NCMAP: variants seen among roughly 807,000 people sequenced by gnomAD.
NCMAP encodes noncompact myelin-associated protein.
NCMAP carries 8 observed loss-of-function variants against 7.8 expected under a neutral mutation model. The observed-to-expected ratio is 1.02, with a 90% confidence interval of 0.60 to 1.84. NCMAP has a LOEUF of 1.84. Among genes scored for constraint, NCMAP ranks in the 40% most tolerant of loss-of-function variants. The pLI is 0.00. For synonymous variants in NCMAP, 41 were observed against 52.9 expected, an observed-to-expected ratio of 0.78 and a Z score of 0.98; for missense variants, 112 against 131.4, an observed-to-expected ratio of 0.85 and a Z score of 0.72.
At chr1:24,580,531 A>G (rs571948358) in intron 1 of NCMAP, among the ~76,000 whole-genome samples, 291 of 152,086 alleles carry the variant, frequency 1.9e-3, no homozygotes, top group African/African-American at 6.6e-3. Flanking sequence ...GCTCACTGCA[A>G]CCTCCGCCTC....
intron 1 of NCMAP, among the ~76,000 whole-genome samples, chr1:24,564,631 T>C (rs1651165509): frequency 1.4e-5 from 2 of 147,010 alleles, no homozygotes; most frequent in Admixed American, 1.4e-4. Context: ...GACGAAATAA[T>C]GGAGATTTAA....
chr1:24,597,617 G>GAGAA (rs71032831), intron 2 of NCMAP, among the ~76,000 whole-genome samples: 16,427 of 87,178 alleles, frequency 0.19, 1,981 homozygotes, highest in Non-Finnish European at 0.22. Context: ...AAGAAAGAAA[G>GAGAA]AGAAAGAAAG....
At chr1:24,564,988 T>G (rs1557592587) in intron 1 of NCMAP, among the ~76,000 whole-genome samples, 1 of 152,036 alleles carries the variant, frequency 6.6e-6, no homozygotes, top group Non-Finnish European at 1.5e-5. Context: ...CCTCAGAAGG[T>G]GGAATACACA....
chr1:24,559,324 A>G (rs1364997075), intron 1 of NCMAP, among the ~76,000 whole-genome samples: 2 of 152,244 alleles, frequency 1.3e-5, no homozygotes, highest in Non-Finnish European at 2.9e-5. Context: ...GGGACCTAGC[A>G]GGATGGATTT....
chr1:24,587,765 G>A (rs539066543), intron 1 of NCMAP, among the ~76,000 whole-genome samples: 6 of 150,770 alleles, frequency 4.0e-5, no homozygotes, highest in Admixed American at 2.6e-4. Context: ...CACCCACCTC[G>A]GCCTCCCAAA....
At chr1:24,599,001 C>T (rs950574796) in intron 2 of NCMAP, among the ~76,000 whole-genome samples, 1 of 150,360 alleles carries the variant, frequency 6.7e-6, no homozygotes, top group South Asian at 2.2e-4. Flanking sequence ...AATTGGAGGC[C>T]GGGTGTGGTG....
chr1:24,567,003 A>G (rs1424577024), intron 1 of NCMAP, among the ~76,000 whole-genome samples: 2 of 152,138 alleles, frequency 1.3e-5, no homozygotes, highest in Non-Finnish European at 2.9e-5. Context: ...AGTACAAAGG[A>G]GGCTGTGACT....
At chr1:24,557,946 G>A (rs1650953230) in intron 1 of NCMAP, among the ~76,000 whole-genome samples, 1 of 152,196 alleles carries the variant, frequency 6.6e-6, no homozygotes, top group South Asian at 2.1e-4. Flanking sequence ...CCAGTTCCTG[G>A]GCTCCGTAGC....
rs752833385 is a variant in NCMAP at position 24,572,204 on chromosome 1, AG to A, written c.-8+16039del. On this transcript the variant is annotated intron_variant, in intron 1 of 3. Transcript: ENST00000374392. ...GTGGCTGTACAGTTGATGGATTTTA[AG>A]GGGAGAGGGCTTTTCTATCCTCTCC... Among the ~76,000 whole-genome samples the A allele has an allele frequency of 1.2e-4, 18 of 150,676 alleles. 1 individual carries two copies. The highest frequency in any genetic ancestry group is 8.3e-4 in the South Asian group (4 of 4,828).
At chr1:24,565,349 C>T (rs1010521506) in intron 1 of NCMAP, among the ~76,000 whole-genome samples, 2 of 152,020 alleles carry the variant, frequency 1.3e-5, no homozygotes, top group East Asian at 3.9e-4. Flanking sequence ...AGCTGATACA[C>T]TGTAACTGCC....
At chr1:24,578,767 A>G (rs1207512116) in intron 1 of NCMAP, among the ~76,000 whole-genome samples, 1 of 151,604 alleles carries the variant, frequency 6.6e-6, no homozygotes, top group Non-Finnish European at 1.5e-5. Flanking sequence ...GGGTCCCACT[A>G]TACCGTTCAA....
Position 24,607,650 on chromosome 1 carries a change from A to C in NCMAP, c.*1903A>C, listed in dbSNP as rs1334390418. 1 of 152,152 alleles carries C rather than the reference A, an allele frequency of 6.6e-6. No individual in the cohort carries two copies. Among genetic ancestry groups the C allele is most frequent in the African/African-American group, 2.4e-5 (1 of 41,412 alleles). The allele number at this position is 152,152 out of a possible 1,614,324, so 9.4% of individuals were successfully genotyped here. On this transcript the variant is annotated 3_prime_UTR_variant, in exon 4 of 4. Transcript: ENST00000374392. ...GAGGCTGAGGCAGGCGGGTCACTTG[A>C]GGTCAGGAGTTTGAGACCAGCCTGG...
chr1:24,597,524 GGGGGGGA>G (rs1557602329), intron 2 of NCMAP, among the ~76,000 whole-genome samples: 3 of 69,624 alleles, frequency 4.3e-5, no homozygotes, highest in African/African-American at 1.8e-4. Context: ...AAGGAAGGGG[GGGGGGGA>G]GGGGGAGGGG....
Position 24,570,528 on chromosome 1 carries a change from CA to C in NCMAP, c.-8+14360del, listed in dbSNP as rs1018528288. Reference sequence around the variant, plus strand: ...ATACATAAACAAACAAAGTACTTAACAGGGGGCTTAGCGCTTAGAACTAAGT... The same window carrying C: ...ATACATAAACAAACAAAGTACTTAACGGGGGCTTAGCGCTTAGAACTAAGT... On this transcript the variant is annotated intron_variant, in intron 1 of 3. Coordinates refer to ENST00000374392, the MANE Select transcript of NCMAP (RefSeq NM_001010980.5). Among the ~76,000 whole-genome samples the C allele has an allele frequency of 2.9e-4, 44 of 150,848 alleles. 4 individuals carry two copies. Among genetic ancestry groups the C allele is most frequent in the African/African-American group, 1.1e-3 (43 of 40,130 alleles).
chr1:24,608,040 C>T lies in NCMAP; in HGVS notation c.*2293C>T, dbSNP rs2148941952. 1 of 152,282 alleles carries T rather than the reference C, an allele frequency of 6.6e-6. No individual in the cohort carries two copies. Among genetic ancestry groups the T allele is most frequent in the Middle Eastern group, 3.4e-3 (1 of 294 alleles). 9.4% of individuals were successfully genotyped at this position (152,282 alleles called of 1,614,324 possible). On this transcript the variant is annotated 3_prime_UTR_variant, in exon 4 of 4. Coordinates refer to ENST00000374392, the MANE Select transcript of NCMAP (RefSeq NM_001010980.5). Reference sequence around the variant, plus strand: ...ATTTCTTCCTACTGTGTTTAAATATCCACCAAGTGTCAAGGACTTTGTAAG... The same window carrying T: ...ATTTCTTCCTACTGTGTTTAAATATTCACCAAGTGTCAAGGACTTTGTAAG...
At position 24,605,618 on chromosome 1, in the gene NCMAP, G is replaced by A. The variant is rs148067965; in HGVS notation, c.180G>A (p.Thr60=). ...TATCTCCCTACAGGAAAATGAGGAC[G>A]AGGCGGGAACTAGAGCCCAAGGGCC... ...LLKMYNRKMR[T]RRELEPKGPK... The change falls in exon 4 of 4, where the codon ACG becomes ACA. Residue 60 remains threonine (T), a synonymous_variant. Coordinates refer to ENST00000374392, the MANE Select transcript of NCMAP (RefSeq NM_001010980.5). 2.5e-3 allele frequency: 4,044 copies of A among 1,614,190 alleles called. 9 individuals are homozygous for A. The highest frequency in any genetic ancestry group is 3.2e-3 in the Non-Finnish European group (3,794 of 1,180,028).
intron 1 of NCMAP, chr1:24,589,473 G>A (rs1651983295): frequency 6.6e-6 from 1 of 152,234 alleles, no homozygotes; most frequent in Non-Finnish European, 1.5e-5. Flanking sequence ...GGCAAGATAT[G>A]CTCTGAGATT....
intron 2 of NCMAP, 22 bp downstream of exon 2, chr1:24,595,534 G>T: frequency 6.3e-7 from 1 of 1,579,494 alleles, no homozygotes; most frequent in Admixed American, 1.7e-5. Context: ...TTCGCTTAGA[G>T]GCTGGGGGAA....
At position 24,607,347 on chromosome 1, in the gene NCMAP, G is replaced by A. The variant is rs1232630429; in HGVS notation, c.*1600G>A. The A allele has an allele frequency of 6.6e-6, 1 of 151,738 alleles. No homozygotes were observed. The highest frequency in any genetic ancestry group is 2.4e-5 in the African/African-American group (1 of 41,210). 9.4% of individuals were successfully genotyped at this position (151,738 alleles called of 1,614,324 possible). Reference sequence around the variant, plus strand: ...TTATAGGCTTTTTTTTCAATTGCAAGATAGACATTTCTTCACATTTTAATG... The same window carrying A: ...TTATAGGCTTTTTTTTCAATTGCAAAATAGACATTTCTTCACATTTTAATG... On this transcript the variant is annotated 3_prime_UTR_variant, in exon 4 of 4. Transcript: ENST00000374392.
Sources: gnomAD v4.1 joint callset for allele counts (sites outside exome capture counted in the v4.1 genomes callset) on GRCh38, gnomAD v4.1.1 for gene constraint, MANE v1.5 for transcripts, NCBI Gene and HGNC (gene_info 2026-07-23, HGNC 2026-07-21) for gene names.